The following SLC16A7 variants were observed in gnomAD, a reference collection of about 807,000 sequenced individuals.
SLC16A7 encodes the protein solute carrier family 16 member 7.
In SLC16A7, 33 loss-of-function variants were observed where a neutral mutation model predicts 34.9. The ratio of observed to expected loss-of-function variants is 0.94; its 90% CI spans 0.72 to 1.26. The LOEUF is 1.26. Among genes scored for constraint, SLC16A7 ranks in the 50% most tolerant of loss-of-function variants. The pLI is 0.00. For missense variants in SLC16A7, 573 were observed against 578.1 expected (o/e 0.99, Z 0.09); for synonymous variants, 201 against 206.6 (o/e 0.97, Z 0.23).
intron 3 of SLC16A7, among the ~76,000 whole-genome samples, chr12:59,715,940 G>A (rs544212064): frequency 6.6e-6 from 1 of 152,252 alleles, no homozygotes; most frequent in South Asian, 2.1e-4. Flanking sequence ...TAGCGTTTTT[G>A]TAGGTAGGCA....
At chr12:59,690,216 A>C (rs778511148) in intron 2 of SLC16A7, among the ~76,000 whole-genome samples, 1 of 151,984 alleles carries the variant, frequency 6.6e-6, no homozygotes, top group Non-Finnish European at 1.5e-5. Context: ...CTCTCAGATA[A>C]ATTTTTCCCT....
chr12:59,742,147 C>T lies in SLC16A7; in HGVS notation c.218-29072C>T, dbSNP rs989828128. Among the ~76,000 whole-genome samples, 18 of 152,232 alleles carry T rather than the reference C, an allele frequency of 1.2e-4. 1 individual carries two copies. The highest frequency in any genetic ancestry group is 4.3e-4 in the African/African-American group (18 of 41,538). On this transcript the variant is annotated intron_variant, in intron 3 of 5. Transcript: ENST00000547379. ...CTTGCTCTTGGGAAGTGAGCATGAG[C>T]AGTCTGTTTAGGAAGTTGCACACAT...
At chr12:59,748,873 G>A (rs1592633032) in intron 3 of SLC16A7, among the ~76,000 whole-genome samples, 1 of 152,212 alleles carries the variant, frequency 6.6e-6, no homozygotes, top group East Asian at 1.9e-4. Context: ...TAAAGTAAAA[G>A]CTAAATGAAA....
chr12:59,659,274 T>A (rs1041309879), intron 2 of SLC16A7, among the ~76,000 whole-genome samples: 8 of 152,038 alleles, frequency 5.3e-5, no homozygotes, highest in Non-Finnish European at 1.2e-4. Context: ...TTTTTCTTAA[T>A]CTATTTAGCA....
intron 2 of SLC16A7, among the ~76,000 whole-genome samples, chr12:59,663,975 A>T (rs1199131723): frequency 6.6e-6 from 1 of 152,066 alleles, no homozygotes; most frequent in Non-Finnish European, 1.5e-5. Context: ...TATCTTTCAC[A>T]TAGGAAATCA....
intron 1 of SLC16A7, among the ~76,000 whole-genome samples, chr12:59,630,095 G>A (rs933310187): frequency 2.3e-4 from 35 of 151,908 alleles, no homozygotes; most frequent in Non-Finnish European, 3.1e-4. Context: ...TGGTAATTGC[G>A]ATACACCCTG....
intron 3 of SLC16A7, among the ~76,000 whole-genome samples, chr12:59,753,722 C>T (rs983275316): frequency 1.3e-5 from 2 of 151,994 alleles, no homozygotes; most frequent in African/African-American, 2.4e-5. Flanking sequence ...ACAAGGATAC[C>T]CAGGAATTGA....
chr12:59,771,144 A>G, intron 3 of SLC16A7, 75 bp from the exon 4 acceptor site: 1 of 1,436,168 alleles, frequency 7.0e-7, no homozygotes, highest in Non-Finnish European at 9.5e-7. Flanking sequence ...TGCCTTTCCA[A>G]ATGATTGGAT....
In SLC16A7 at chr12:59,704,837, A is replaced by G; in HGVS notation, c.36A>G (p.Pro12=). 1 of 1,613,686 alleles carries G rather than the reference A, an allele frequency of 6.2e-7. No individual in the cohort carries two copies. The highest frequency in any genetic ancestry group is 1.3e-5 in the African/African-American group (1 of 74,996). ...PPMPSAPPVH[P]PPDGGWGWIV... The stretch of plus-strand genomic sequence containing the variant: ...TGCCAAGTGCCCCACCTGTGCATCC[A>G]CCTCCAGATGGAGGATGGGGTTGGA... The change falls in exon 3 of 6, where the codon CCA becomes CCG. Residue 12 remains proline (P), a synonymous_variant. Transcript: ENST00000547379.
intron 2 of SLC16A7, among the ~76,000 whole-genome samples, chr12:59,672,772 G>T (rs890726470): frequency 6.6e-6 from 1 of 152,098 alleles, no homozygotes; most frequent in African/African-American, 2.4e-5. Flanking sequence ...AATCTAAAGT[G>T]CATCACAGTT....
chr12:59,762,372 CTAT>C (rs1435434507), intron 3 of SLC16A7, among the ~76,000 whole-genome samples: 6 of 152,018 alleles, frequency 3.9e-5, no homozygotes, highest in Admixed American at 3.3e-4. Flanking sequence ...AAGTACGTTT[CTAT>C]TATTATACTA....
At chr12:59,603,844 A>C (rs868719282) in intron 1 of SLC16A7, among the ~76,000 whole-genome samples, 11 of 152,162 alleles carry the variant, frequency 7.2e-5, no homozygotes, top group Non-Finnish European at 1.5e-4. Flanking sequence ...ATAAACCACC[A>C]TCTATTATTT....
chr12:59,642,692 G>A (rs868281454), intron 1 of SLC16A7, among the ~76,000 whole-genome samples: 1 of 152,076 alleles, frequency 6.6e-6, no homozygotes, highest in Non-Finnish European at 1.5e-5. Flanking sequence ...AGTAGTCAAA[G>A]TTATAGAATG....
At chr12:59,659,026 A>G (rs1411924621) in intron 2 of SLC16A7, among the ~76,000 whole-genome samples, 5 of 152,066 alleles carry the variant, frequency 3.3e-5, no homozygotes, top group African/African-American at 9.7e-5. Flanking sequence ...TAACAGCTTT[A>G]TGATGTGACA....
intron 1 of SLC16A7, among the ~76,000 whole-genome samples, chr12:59,630,267 A>T (rs533633502): frequency 6.6e-6 from 1 of 151,866 alleles, no homozygotes; most frequent in Non-Finnish European, 1.5e-5. Context: ...ATATTGGTTC[A>T]CTTGTGGAAT....
intron 3 of SLC16A7, among the ~76,000 whole-genome samples, chr12:59,758,597 C>T (rs960771992): frequency 5.1e-4 from 78 of 151,798 alleles, no homozygotes; most frequent in African/African-American, 1.6e-3. Context: ...AAGAGATAGA[C>T]CCAGCAGAAT....
At chr12:59,605,002 ACGCCCGG>A (rs1365542890) in intron 1 of SLC16A7, among the ~76,000 whole-genome samples, 1 of 152,012 alleles carries the variant, frequency 6.6e-6, no homozygotes, top group Non-Finnish European at 1.5e-5. Flanking sequence ...GCCCGCCACC[ACGCCCGG>A]CTAATTTTTG....
At chr12:59,733,512 T>C (rs1312075790) in intron 3 of SLC16A7, among the ~76,000 whole-genome samples, 2 of 152,058 alleles carry the variant, frequency 1.3e-5, no homozygotes, top group Non-Finnish European at 2.9e-5. Flanking sequence ...CTGTGGGCAC[T>C]GGGGAATGCA....
chr12:59,752,625 C>G (rs1318406976), intron 3 of SLC16A7, among the ~76,000 whole-genome samples: 2 of 152,104 alleles, frequency 1.3e-5, no homozygotes, highest in East Asian at 3.9e-4. Flanking sequence ...AAATCTATGT[C>G]TCATTGGTGT....
Sources: allele counts gnomAD v4.1 joint callset (sites outside exome capture counted in the v4.1 genomes callset), GRCh38; gene constraint gnomAD v4.1.1; transcripts MANE v1.5; gene names NCBI Gene and HGNC (gene_info 2026-07-23, HGNC 2026-07-21).